Variants in MYADML2 observed in about 807,000 individuals in gnomAD.
MYADML2 encodes the protein myeloid-associated differentiation marker-like protein 2.
A neutral mutation model predicts 16.0 loss-of-function variants in MYADML2; 17 were observed. That is an observed-to-expected ratio of 1.06 (90% CI 0.73 to 1.60). The LOEUF is 1.60. Among genes scored for constraint, MYADML2 ranks in the 40% most tolerant of loss-of-function variants. The pLI, the probability that MYADML2 is intolerant of heterozygous loss-of-function variation, is 0.00. For synonymous variants in MYADML2, 210 were observed against 208.1 expected (o/e 1.01, Z -0.08); for missense variants, 422 against 437.7 (o/e 0.96, Z 0.32).
At position 81,947,154 on chromosome 17, in the gene MYADML2, G is replaced by A. The variant is rs2041353211; in HGVS notation, c.-276C>T. On this transcript the variant is annotated 5_prime_UTR_variant, in exon 1 of 3. Coordinates refer to ENST00000409745, the MANE Select transcript of MYADML2 (RefSeq NM_001145113.3). ...TTGTATCAGGGACTCTGGCCTTGTG[G>A]ATTCTGGTGTTTTGGAGGTACTGGA... The A allele has an allele frequency of 6.6e-6, 1 of 152,194 alleles. No homozygotes were observed. The highest frequency in any genetic ancestry group is 2.4e-5 in the African/African-American group (1 of 41,436). 9.4% of individuals were successfully genotyped at this position (152,194 alleles called of 1,614,324 possible).
intron 1 of MYADML2, among the ~76,000 whole-genome samples, chr17:81,943,677 A>G (rs1004396861): frequency 5.9e-5 from 9 of 152,084 alleles, no homozygotes; most frequent in Middle Eastern, 3.4e-3. Flanking sequence ...TGCTGGGATT[A>G]CAGGCGTTAG....
intron 1 of MYADML2, among the ~76,000 whole-genome samples, chr17:81,943,935 C>A (rs2041324478): frequency 1.3e-5 from 2 of 151,254 alleles, no homozygotes; most frequent in South Asian, 4.2e-4. Flanking sequence ...CATGGTGAAA[C>A]CCCATCTCTA....
intron 1 of MYADML2, among the ~76,000 whole-genome samples, chr17:81,944,626 G>A (rs1205904583): frequency 6.6e-6 from 1 of 152,268 alleles, no homozygotes; most frequent in African/African-American, 2.4e-5. Context: ...GGTGACAGGA[G>A]CGTCTTTTGT....
chr17:81,946,523 T>C (rs1480854610), intron 1 of MYADML2, among the ~76,000 whole-genome samples: 17 of 145,968 alleles, frequency 1.2e-4, no homozygotes, highest in African/African-American at 2.8e-4. Flanking sequence ...CAGTGGGCGC[T>C]GGTAGTCCCA....
intron 1 of MYADML2, among the ~76,000 whole-genome samples, chr17:81,944,144 C>G (rs1049492625): frequency 1.3e-5 from 2 of 151,856 alleles, no homozygotes; most frequent in African/African-American, 4.8e-5. Flanking sequence ...GTGGCTCACA[C>G]TTGTAATCCC....
At chr17:81,945,176 A>G (rs2041334041) in intron 1 of MYADML2, among the ~76,000 whole-genome samples, 1 of 151,744 alleles carries the variant, frequency 6.6e-6, no homozygotes, top group Non-Finnish European at 1.5e-5. Flanking sequence ...CGAGGCAGGT[A>G]GATCATTTAA....
intron 1 of MYADML2, among the ~76,000 whole-genome samples, chr17:81,943,020 C>T (rs1348391823): frequency 1.3e-5 from 2 of 151,938 alleles, no homozygotes; most frequent in Non-Finnish European, 2.9e-5. Context: ...ACTTCCACCT[C>T]TTCCATTTTT....
At position 81,942,110 on chromosome 17, in the gene MYADML2, C is replaced by T. The variant is rs914817141; in HGVS notation, c.-103+186G>A. On this transcript the variant is annotated intron_variant, in intron 2 of 2. Transcript: ENST00000409745. This position sits in a 1 kb window ranked among gnomAD's most constrained non-coding sequence, Gnocchi z 4.4. ...CTGTCAATCCGGTCAGTTGGTTTCACGCTTGTGGGGGAGGGGGAGGGAGAA... is the reference window on the plus strand; with the variant it reads ...CTGTCAATCCGGTCAGTTGGTTTCATGCTTGTGGGGGAGGGGGAGGGAGAA... 1.1e-4 allele frequency: 22 copies of T among 194,266 alleles called. No homozygotes were observed. The highest frequency in any genetic ancestry group is 4.2e-4 in the African/African-American group (18 of 42,884). 12.0% of individuals were successfully genotyped at this position (194,266 alleles called of 1,614,324 possible). A position where few individuals can be genotyped will look rare whatever the true frequency, so the allele number is the denominator to read the frequency against.
chr17:81,941,866 G>T, intron 2 of MYADML2, 23 bp from the exon 3 acceptor site: 3 of 951,050 alleles, frequency 3.2e-6, no homozygotes, highest in Non-Finnish European at 4.6e-6. Flanking sequence ...TGACGACGGT[G>T]ACATTGCAGC....
At chr17:81,943,394 T>C (rs1417752157) in intron 1 of MYADML2, among the ~76,000 whole-genome samples, 7 of 149,460 alleles carry the variant, frequency 4.7e-5, no homozygotes, top group Admixed American at 3.3e-4. Flanking sequence ...TTACTAATTT[T>C]TTTTTCTTTT....
At position 81,942,164 on chromosome 17, in the gene MYADML2, C is replaced by T. The variant is rs1042186728; in HGVS notation, c.-103+132G>A. ...GGGGAGCAAAGAGCATGAGGGTCCC[C>T]ACGGGGTAACCCCAGCTCCAGCAGC... On this transcript the variant is annotated intron_variant, in intron 2 of 2. Coordinates refer to ENST00000409745, the MANE Select transcript of MYADML2 (RefSeq NM_001145113.3). The surrounding 1 kb of genome is among the most constrained non-coding windows in gnomAD (Gnocchi z 4.4). The T allele has an allele frequency of 6.1e-6, 1 of 162,756 alleles. No individual in the cohort carries two copies. Among genetic ancestry groups the T allele is most frequent in the African/African-American group, 2.4e-5 (1 of 41,798 alleles). 10.1% of individuals were successfully genotyped at this position (162,756 alleles called of 1,614,324 possible).
rs2041317371 is a variant in MYADML2 at position 81,942,907 on chromosome 17, G to T, written c.-180-534C>A. On this transcript the variant is annotated intron_variant, in intron 1 of 2. Transcript: ENST00000409745. This position sits in a 1 kb window ranked among gnomAD's most constrained non-coding sequence, Gnocchi z 4.4. ...GTCGCTCAGGTTGGAATGCAGTGGT[G>T]AGATCACAGCTCACTGCAGCCTCGA... Among the ~76,000 whole-genome samples, 1 of 151,950 alleles carries T rather than the reference G, an allele frequency of 6.6e-6. No individual in the cohort carries two copies. The highest frequency in any genetic ancestry group is 2.4e-5 in the African/African-American group (1 of 41,340).
intron 1 of MYADML2, among the ~76,000 whole-genome samples, chr17:81,945,527 A>G (rs1484158018): frequency 6.6e-6 from 1 of 151,550 alleles, no homozygotes; most frequent in Non-Finnish European, 1.5e-5. Flanking sequence ...CAACAGAGCA[A>G]GACTCTGTCT....
chr17:81,947,131 G>A lies in MYADML2; in HGVS notation c.-253C>T, dbSNP rs1355996242. 1 of 152,204 alleles carries A rather than the reference G, an allele frequency of 6.6e-6. No individual in the cohort carries two copies. The highest frequency in any genetic ancestry group is 1.5e-5 in the Non-Finnish European group (1 of 68,032). The allele number at this position is 152,204 out of a possible 1,614,324, so 9.4% of individuals were successfully genotyped here. ...TTATATGCAAATAACATGCCATTTTGTATCAGGGACTCTGGCCTTGTGGAT... is the reference window on the plus strand; with the variant it reads ...TTATATGCAAATAACATGCCATTTTATATCAGGGACTCTGGCCTTGTGGAT... On this transcript the variant is annotated 5_prime_UTR_variant, in exon 1 of 3. An upstream open reading frame in the 5' UTR gains an earlier in-frame stop. Coordinates refer to ENST00000409745, the MANE Select transcript of MYADML2 (RefSeq NM_001145113.3).
rs1316193212 is a variant in MYADML2, at chr17:81,941,638, G to A, written c.104C>T (p.Thr35Ile). Residue 35 changes from threonine to isoleucine, a missense_variant, in exon 3 of 3, where the codon ACT becomes ATT. Transcript: ENST00000409745. ...ARVLQLAFGC[T>I]TFSLVAHRGG... ...CCGGTGGGCCACCAGGCTGAAGGTA[G>A]TGCAGCCAAAGGCCAGCTGCAGCAC... is the stretch of plus-strand genomic sequence containing the variant. 1 of 1,549,468 alleles carries A rather than the reference G, an allele frequency of 6.5e-7. No homozygotes were observed. Among genetic ancestry groups the A allele is most frequent in the Non-Finnish European group, 8.7e-7 (1 of 1,146,832 alleles).
Position 81,941,726 on chromosome 17 carries a change from C to T in MYADML2, c.16G>A (p.Glu6Lys), listed in dbSNP as rs2041306729. 2 of 1,522,994 alleles carry T rather than the reference C, an allele frequency of 1.3e-6. No homozygotes were observed. Among genetic ancestry groups the T allele is most frequent in the Non-Finnish European group, 1.8e-6 (2 of 1,131,416 alleles). The allele number at this position is 1,522,994 out of a possible 1,614,324, so 94.3% of individuals were successfully genotyped here. MGSTM[E>K]PPGGAYLHLG... The stretch of plus-strand genomic sequence containing the variant: ...TGCAGGTACGCACCCCCAGGGGGCT[C>T]CATGGTGCTGCCCATCTGGCCAGCC... The change falls in exon 3 of 3, where the codon GAG becomes AAG. Residue 6 changes from glutamate to lysine, a missense_variant. Coordinates refer to ENST00000409745, the MANE Select transcript of MYADML2 (RefSeq NM_001145113.3).
At chr17:81,944,786 C>T (rs145551293) in intron 1 of MYADML2, among the ~76,000 whole-genome samples, 16,212 of 152,198 alleles carry the variant, frequency 0.11, 1,170 homozygotes, top group Non-Finnish European at 0.16. Context: ...TCACCAGTGA[C>T]CAATGATGTA....
chr17:81,945,229 T>C (rs2041334451), intron 1 of MYADML2, among the ~76,000 whole-genome samples: 2 of 149,818 alleles, frequency 1.3e-5, no homozygotes, highest in South Asian at 4.2e-4. Flanking sequence ...GGTAAAACTC[T>C]GTCTATATTT....
intron 1 of MYADML2, among the ~76,000 whole-genome samples, chr17:81,946,452 TCC>T (rs1344045787): frequency 6.7e-6 from 1 of 149,872 alleles, no homozygotes; most frequent in Non-Finnish European, 1.5e-5. Flanking sequence ...ATCGAGACCA[TCC>T]TGGCCAACGT....
Sources: allele counts gnomAD v4.1 joint callset (sites outside exome capture counted in the v4.1 genomes callset), GRCh38; gene constraint gnomAD v4.1.1; non-coding constraint Gnocchi (gnomAD v3.1); transcripts MANE v1.5; gene names NCBI Gene and HGNC (gene_info 2026-07-23, HGNC 2026-07-21).